Variants in GALNT7 observed in about 807,000 individuals in gnomAD.
GALNT7 encodes N-acetylgalactosaminyltransferase 7.
A neutral mutation model predicts 82.1 loss-of-function variants in GALNT7; 60 were observed. That is an observed-to-expected ratio of 0.73 (90% CI 0.59 to 0.91). The LOEUF is 0.91. Among genes scored for constraint, GALNT7 ranks in the 40% least tolerant of loss-of-function variants. The pLI, the probability that GALNT7 is intolerant of heterozygous loss-of-function variation, is 0.00. For synonymous variants in GALNT7, 243 were observed against 275.1 expected (o/e 0.88, Z 1.15); for missense variants, 660 against 804.2 (o/e 0.82, Z 2.17).
chr4:173,169,082 G>C, intron 1 of GALNT7, 121 bp downstream of exon 1: 2 of 933,990 alleles, frequency 2.1e-6, no homozygotes, highest in South Asian at 4.1e-5. Context: ...AGCTCCGCAG[G>C]TGGTGCTGGC....
At chr4:173,232,801 G>T (rs1039295563) in intron 1 of GALNT7, among the ~76,000 whole-genome samples, 2 of 152,146 alleles carry the variant, frequency 1.3e-5, no homozygotes, top group South Asian at 4.2e-4. Flanking sequence ...ATAAATTGTT[G>T]TTCCCTATGG....
At chr4:173,190,327 C>T (rs532564952) in intron 1 of GALNT7, among the ~76,000 whole-genome samples, 1 of 152,224 alleles carries the variant, frequency 6.6e-6, no homozygotes, top group African/African-American at 2.4e-5. Context: ...TTCTAGGTAG[C>T]CATGTGCATA....
intron 1 of GALNT7, among the ~76,000 whole-genome samples, chr4:173,215,260 T>C (rs1175390031): frequency 1.3e-5 from 2 of 150,728 alleles, no homozygotes; most frequent in Non-Finnish European, 3.0e-5. Context: ...ATATGGAGTC[T>C]TGTTCTGTCG....
chr4:173,191,385 G>T (rs10019273), intron 1 of GALNT7, among the ~76,000 whole-genome samples: 1 of 152,116 alleles, frequency 6.6e-6, no homozygotes, highest in African/African-American at 2.4e-5. Flanking sequence ...AGTCTCTTCC[G>T]CCAGCCCTTC....
At chr4:173,237,993 T>C (rs538600690) in intron 1 of GALNT7, among the ~76,000 whole-genome samples, 17 of 152,154 alleles carry the variant, frequency 1.1e-4, no homozygotes, top group Admixed American at 2.6e-4. Flanking sequence ...CATTCCCCTT[T>C]CTCCACCTGA....
intron 1 of GALNT7, among the ~76,000 whole-genome samples, chr4:173,222,090 A>G (rs994567288): frequency 4.6e-5 from 7 of 152,192 alleles, no homozygotes; most frequent in East Asian, 1.9e-4. Context: ...ACTAGGAACC[A>G]TAACAGTTCA....
At chr4:173,284,417 C>T (rs1736235163) in intron 2 of GALNT7, among the ~76,000 whole-genome samples, 1 of 152,226 alleles carries the variant, frequency 6.6e-6, no homozygotes, top group Non-Finnish European at 1.5e-5. Context: ...GAACCTTAGA[C>T]ATCCCATACA....
intron 1 of GALNT7, among the ~76,000 whole-genome samples, chr4:173,233,061 G>C (rs1734087941): frequency 2.0e-5 from 3 of 152,160 alleles, no homozygotes; most frequent in Admixed American, 2.0e-4. Flanking sequence ...TGCTGCAAAT[G>C]ACAGGATTTC....
At position 173,206,507 on chromosome 4, in the gene GALNT7, G is replaced by T. The variant is rs552443592; in HGVS notation, c.126+37546G>T. ...CAGATTTACAGATGAAGAAACTAAAGTTCAGCAAACTTGAATATCTTGCCA... is the reference window on the plus strand; with the variant it reads ...CAGATTTACAGATGAAGAAACTAAATTTCAGCAAACTTGAATATCTTGCCA... On this transcript the variant is annotated intron_variant, in intron 1 of 11. Transcript: ENST00000265000. Among the ~76,000 whole-genome samples the T allele has an allele frequency of 3.3e-5, 5 of 152,286 alleles. No homozygotes were observed. In the South Asian group the frequency reaches 1.0e-3, roughly 32 times the overall value.
intron 2 of GALNT7, among the ~76,000 whole-genome samples, chr4:173,255,703 A>C (rs1036100463): frequency 3.0e-4 from 45 of 152,170 alleles, no homozygotes; most frequent in African/African-American, 1.1e-3. Context: ...AGAGCATCTC[A>C]GTGTTTGAGC....
intron 1 of GALNT7, among the ~76,000 whole-genome samples, chr4:173,198,780 G>A (rs1732858516): frequency 6.6e-6 from 1 of 152,122 alleles, no homozygotes; most frequent in Non-Finnish European, 1.5e-5. Context: ...CTGGGGGAGG[G>A]AGAGAGAGAT....
chr4:173,293,995 T>G (rs1736629683), intron 3 of GALNT7, among the ~76,000 whole-genome samples: 1 of 152,184 alleles, frequency 6.6e-6, no homozygotes, highest in East Asian at 1.9e-4. Context: ...GGAGGATAAT[T>G]TTCATCCGAG....
chr4:173,202,415 T>C lies in GALNT7; in HGVS notation c.126+33454T>C, dbSNP rs986920426. 1.7e-4 allele frequency among the ~76,000 whole-genome samples: 26 copies of C among 152,310 alleles called. 1 individual carries two copies. In the East Asian group the frequency reaches 5.0e-3, roughly 29 times the overall value. ...GAGCCTATGAAGTTGATTCCTAATG[T>C]AGGTCTGCAGTGGCCATGGAGCTGA... On this transcript the variant is annotated intron_variant, in intron 1 of 11. Coordinates refer to ENST00000265000, the MANE Select transcript of GALNT7 (RefSeq NM_017423.3).
intron 2 of GALNT7, among the ~76,000 whole-genome samples, chr4:173,252,292 CT>C (rs1210463399): frequency 6.6e-6 from 1 of 152,184 alleles, no homozygotes; most frequent in Non-Finnish European, 1.5e-5. Context: ...CTTGCTGTGG[CT>C]GGCTTTTTGC....
rs906518346 is a variant in GALNT7 at position 173,302,934 on chromosome 4, T to C, written c.1266+770T>C. Among the ~76,000 whole-genome samples, 2 of 152,216 alleles carry C rather than the reference T, an allele frequency of 1.3e-5. No homozygotes were observed. Among genetic ancestry groups the C allele is most frequent in the African/African-American group, 4.8e-5 (2 of 41,450 alleles). ...TAAAAAACCGTCGGCCAGGCGCTCA[T>C]GCCTATAAACCCATCACTTTGGGAG... On this transcript the variant is annotated intron_variant, in intron 7 of 11. Coordinates refer to ENST00000265000, the MANE Select transcript of GALNT7 (RefSeq NM_017423.3). The surrounding 1 kb of genome is among the most constrained non-coding windows in gnomAD (Gnocchi z 4.2).
chr4:173,267,161 A>G (rs1372899274), intron 2 of GALNT7, among the ~76,000 whole-genome samples: 1 of 152,156 alleles, frequency 6.6e-6, no homozygotes, highest in East Asian at 1.9e-4. Flanking sequence ...ATTACCCATT[A>G]TATGCATGTA....
chr4:173,196,325 A>C (rs370736607), intron 1 of GALNT7, among the ~76,000 whole-genome samples: 2 of 151,866 alleles, frequency 1.3e-5, no homozygotes, highest in Admixed American at 1.3e-4. Flanking sequence ...GGGTTTCGCT[A>C]TGTTGGCCAG....
At chr4:173,204,381 AT>A (rs1456954119) in intron 1 of GALNT7, among the ~76,000 whole-genome samples, 3 of 152,020 alleles carry the variant, frequency 2.0e-5, no homozygotes, top group Admixed American at 2.0e-4. Context: ...CTTTCCCTAG[AT>A]TTGGAAAGTT....
chr4:173,280,433 T>C (rs1406327888), intron 2 of GALNT7, among the ~76,000 whole-genome samples: 1 of 152,368 alleles, frequency 6.6e-6, no homozygotes, highest in East Asian at 1.9e-4. Flanking sequence ...TTTTAAGTTA[T>C]TGGAAAATCA....
Sources: gnomAD v4.1 joint callset for allele counts (sites outside exome capture counted in the v4.1 genomes callset) on GRCh38, gnomAD v4.1.1 for gene constraint, Gnocchi (gnomAD v3.1) non-coding constraint, MANE v1.5 for transcripts, NCBI Gene and HGNC (gene_info 2026-07-23, HGNC 2026-07-21) for gene names.